The following KIF4A variants were observed in gnomAD, a reference collection of about 807,000 sequenced individuals.
KIF4A encodes the protein chromosome-associated kinesin KIF4A.
In KIF4A, 7 loss-of-function variants were observed where a neutral mutation model predicts 105.9. The ratio of observed to expected loss-of-function variants is 0.07; its 90% CI spans 0.04 to 0.12. KIF4A has a LOEUF of 0.12. KIF4A is among the 10% of genes least tolerant of loss of function. The pLI, the probability that KIF4A is intolerant of heterozygous loss-of-function variation, is 1.00. For synonymous variants in KIF4A, 281 were observed against 331.3 expected (o/e 0.85, Z 1.65); for missense variants, 558 against 929.2 (o/e 0.60, Z 5.19).
intron 5 of KIF4A, 95 bp from the exon 6 acceptor site, chrX:70,301,805 C>T: frequency 1.0e-6 from 1 of 970,774 alleles, no homozygotes; most frequent in East Asian, 3.1e-5. Context: ...TTCTACTAGA[C>T]TATCAAGGCA....
chrX:70,409,794 CAA>C (rs780576920), intron 28 of KIF4A, among the ~76,000 whole-genome samples: 17 of 42,190 alleles, frequency 4.0e-4, no homozygotes, highest in Admixed American at 6.7e-4. Flanking sequence ...AAGACTGTCT[CAA>C]AAAAAAAAAA....
At chrX:70,400,728 C>T (rs1304656768) in intron 22 of KIF4A, among the ~76,000 whole-genome samples, 1 of 111,280 alleles carries the variant, frequency 9.0e-6, no homozygotes, top group Non-Finnish European at 1.9e-5. Context: ...GAAAATGCTA[C>T]TTTTCAGAAA....
At chrX:70,373,827 TACACACACACACACACACATACACACAC>T (rs1344425116) in intron 15 of KIF4A, among the ~76,000 whole-genome samples, 2 of 28,778 alleles carry the variant, frequency 6.9e-5, no homozygotes, top group African/African-American at 1.8e-4. Context: ...CACACACATG[TACACACACACACACACACATACACACAC>T]ACACACACAC....
At chrX:70,348,067 C>G (rs749001987) in intron 13 of KIF4A, among the ~76,000 whole-genome samples, 1 of 107,792 alleles carries the variant, frequency 9.3e-6, no homozygotes, top group South Asian at 4.3e-4. Context: ...AATACTGAAG[C>G]TTCCTTTAAA....
Position 70,402,636 on chromosome X carries a change from T to G in KIF4A, c.2560T>G (p.Trp854Gly). ...AAGTGAAGACAGACCAAAACAACGC[T>G]GGGAGAATATTGCCACCATTCTGGA... ...AESEDRPKQR[W>G]ENIATILEAK... The change falls in exon 23 of 31, where the codon TGG (tryptophan) becomes GGG (glycine). Residue 854 changes from tryptophan (W) to glycine (G), a missense_variant. This residue lies in a region of KIF4A where 469 missense variants were observed against 680.4 expected (regional missense o/e 0.69). Coordinates refer to ENST00000374403, the MANE Select transcript of KIF4A (RefSeq NM_012310.5). The G allele has an allele frequency of 8.3e-7, 1 of 1,211,560 alleles. No individual in the cohort carries two copies. The highest frequency in any genetic ancestry group is 1.7e-5 in the African/African-American group (1 of 57,878).
At chrX:70,376,675 A>G (rs1171683781) in intron 18 of KIF4A, among the ~76,000 whole-genome samples, 1 of 112,121 alleles carries the variant, frequency 8.9e-6, no homozygotes, top group Non-Finnish European at 1.9e-5. Context: ...AACTTTGTAG[A>G]CACATTCAAG....
chrX:70,342,724 A>T (rs922860705), intron 11 of KIF4A, among the ~76,000 whole-genome samples: 1 of 112,367 alleles, frequency 8.9e-6, no homozygotes, highest in African/African-American at 3.2e-5. Flanking sequence ...ATTGTCCATT[A>T]CTAACGGAGG....
At chrX:70,295,476 T>C (rs916966708) in intron 3 of KIF4A, among the ~76,000 whole-genome samples, 3 of 110,181 alleles carry the variant, frequency 2.7e-5, no homozygotes, top group Middle Eastern at 4.7e-3. Context: ...GCCTGGCCAA[T>C]AAACTCAAAC....
intron 13 of KIF4A, among the ~76,000 whole-genome samples, chrX:70,350,353 C>T (rs189750669): frequency 0.032 from 3,605 of 111,687 alleles, 76 homozygotes; most frequent in Middle Eastern, 0.069. Context: ...GGCTTGGCGG[C>T]GGGTGCCTGC....
intron 7 of KIF4A, among the ~76,000 whole-genome samples, chrX:70,316,547 A>T (rs755808963): frequency 2.7e-5 from 3 of 111,803 alleles, no homozygotes; most frequent in Non-Finnish European, 5.7e-5. Context: ...CATATTATGC[A>T]TATATGTATA....
At chrX:70,319,356 T>G (rs1305852222) in intron 7 of KIF4A, among the ~76,000 whole-genome samples, 2 of 112,430 alleles carry the variant, frequency 1.8e-5, no homozygotes, top group Non-Finnish European at 3.8e-5. Context: ...CAGTTTTGCC[T>G]TTCACACTTA....
At chrX:70,317,734 G>T (rs1468018743) in intron 7 of KIF4A, among the ~76,000 whole-genome samples, 1 of 109,565 alleles carries the variant, frequency 9.1e-6, no homozygotes, top group Non-Finnish European at 1.9e-5. Flanking sequence ...TCTAGAGTTG[G>T]GATCTCCCTA....
chrX:70,310,119 A>G (rs1236586367), intron 7 of KIF4A, among the ~76,000 whole-genome samples: 1 of 112,135 alleles, frequency 8.9e-6, no homozygotes, highest in Non-Finnish European at 1.9e-5. Context: ...TTTGCTAGTT[A>G]TATACATTCA....
chrX:70,398,361 G>T (rs1015684710), intron 22 of KIF4A, among the ~76,000 whole-genome samples: 1 of 112,302 alleles, frequency 8.9e-6, no homozygotes, highest in South Asian at 3.7e-4. Context: ...TTAAGTGCTG[G>T]TTATTAAAAA....
At position 70,333,642 on chromosome X, in the gene KIF4A, A is replaced by G. The variant is rs751202510; in HGVS notation, c.1086A>G (p.Gln362=). The change falls in exon 10 of 31, where the codon CAA becomes CAG. Residue 362 remains glutamine, a synonymous_variant. Transcript: ENST00000374403. ...NHLKQQVQQL[Q]VLLLQAHGGT... ...GCTTCTCCCAGGTACAACAGCTACAAGTCTTGTTGCTACAGGCCCATGGAG... is the reference window on the plus strand; with the variant it reads ...GCTTCTCCCAGGTACAACAGCTACAGGTCTTGTTGCTACAGGCCCATGGAG... 15 of 1,201,341 alleles carry G rather than the reference A, an allele frequency of 1.2e-5. No individual in the cohort carries two copies. The East Asian group carries it at 4.1e-4, about 33-fold the overall frequency.
At chrX:70,317,076 T>G in intron 7 of KIF4A, among the ~76,000 whole-genome samples, 1 of 112,235 alleles carries the variant, frequency 8.9e-6, no homozygotes, top group Non-Finnish European at 1.9e-5. Context: ...CAATATAGTA[T>G]TCCACTGATG....
chrX:70,294,411 A>G (rs887107335), intron 3 of KIF4A, among the ~76,000 whole-genome samples: 3 of 112,890 alleles, frequency 2.7e-5, no homozygotes, highest in Non-Finnish European at 5.6e-5. Context: ...AGTATGGTAT[A>G]GTATACTAAA....
At chrX:70,337,397 G>A (rs889984869) in intron 10 of KIF4A, among the ~76,000 whole-genome samples, 3 of 111,781 alleles carry the variant, frequency 2.7e-5, no homozygotes, top group Non-Finnish European at 5.6e-5. Flanking sequence ...TGGGCCAGGC[G>A]TGGTGGCTCA....
At chrX:70,344,065 C>T (rs1175312523) in intron 13 of KIF4A, 83 bp downstream of exon 13, 1 of 703,154 alleles carries the variant, frequency 1.4e-6, no homozygotes, top group Non-Finnish European at 2.2e-6. Flanking sequence ...TAGCTCTGTG[C>T]CTTTTGCTGA....
Sources: gnomAD v4.1 joint callset for allele counts (sites outside exome capture counted in the v4.1 genomes callset) on GRCh38, gnomAD v4.1.1 for gene constraint, gnomAD v4.1.1 regional missense constraint, MANE v1.5 for transcripts, NCBI Gene and HGNC (gene_info 2026-07-23, HGNC 2026-07-21) for gene names.